Variants in BSCL2 observed in about 807,000 individuals in gnomAD.
BSCL2 encodes seipin.
Under a neutral mutation model 57.4 loss-of-function variants are expected in BSCL2, and 41 were observed. The observed-to-expected ratio is 0.71, with a 90% CI of 0.56 to 0.93. The LOEUF (loss-of-function observed/expected upper bound fraction) is 0.93, where lower values mean the gene tolerates loss of function less well. Ranked by LOEUF, BSCL2 falls within the 40% of genes least tolerant of loss-of-function variation. The pLI, the probability that BSCL2 is intolerant of heterozygous loss-of-function variation, is 0.00. For missense variants in BSCL2, 539 were observed against 586.7 expected, an observed-to-expected ratio of 0.92 and a Z score of 0.84; for synonymous variants, 237 against 227.3, an observed-to-expected ratio of 1.04 and a Z score of -0.38.
At chr11:62,700,189 C>A (rs1392456923) in intron 3 of BSCL2, among the ~76,000 whole-genome samples, 1 of 151,262 alleles carries the variant, frequency 6.6e-6, no homozygotes. Context: ...TGCAGCGAGC[C>A]GTGATCGTAT....
chr11:62,698,957 G>A (rs1401917988), intron 3 of BSCL2, among the ~76,000 whole-genome samples: 1 of 152,102 alleles, frequency 6.6e-6, no homozygotes, highest in East Asian at 1.9e-4. Context: ...CCAGGCTGGA[G>A]TGCAGTGGCA....
intron 3 of BSCL2, among the ~76,000 whole-genome samples, chr11:62,698,169 A>G (rs1394475290): frequency 6.6e-6 from 1 of 150,826 alleles, no homozygotes; most frequent in Admixed American, 6.6e-5. Context: ...GGCCTCCCAA[A>G]GTGCTGGGAT....
chr11:62,705,204 T>C, intron 2 of BSCL2, 97 bp downstream of exon 2: 1 of 1,346,920 alleles, frequency 7.4e-7, no homozygotes, highest in East Asian at 2.5e-5. Context: ...TGGCTCCAGT[T>C]TTCCTTATCT....
At chr11:62,708,731 G>A (rs751342432), upstream of BSCL2, 3 of 1,614,074 alleles carry the variant, frequency 1.9e-6, no homozygotes, top group Non-Finnish European at 1.7e-6. Flanking sequence ...ACGCCTGTGA[G>A]GATCCCCTCA....
At chr11:62,691,886 C>T (rs1018215337) in intron 6 of BSCL2, among the ~76,000 whole-genome samples, 4 of 151,792 alleles carry the variant, frequency 2.6e-5, no homozygotes, top group African/African-American at 9.7e-5. Flanking sequence ...CCATCTCTAC[C>T]AAAAATACAA....
Position 62,705,419 on chromosome 11 carries a change from C to A in BSCL2, c.286G>T (p.Gly96Trp). 1 of 1,614,212 alleles carries A rather than the reference C, an allele frequency of 6.2e-7. No individual in the cohort carries two copies. Among genetic ancestry groups the A allele is most frequent in the Non-Finnish European group, 8.5e-7 (1 of 1,180,038 alleles). The part of the protein sequence containing the change: ...GRARRLLLQF[G>W]VLFCTILLLL... Reference sequence around the variant, plus strand: ...AGGAGGATGGTGCAGAAGAGCACCCCAAACTGCAGCAGCAGCCTGCGGGCA... The same window carrying A: ...AGGAGGATGGTGCAGAAGAGCACCCAAAACTGCAGCAGCAGCCTGCGGGCA... Residue 96 changes from glycine to tryptophan, a missense_variant, in exon 2 of 11, where the codon GGG becomes TGG. Transcript: ENST00000360796.
At chr11:62,694,437 T>C (rs192698510) in intron 4 of BSCL2, 131 bp downstream of exon 4, 1 of 1,363,478 alleles carries the variant, frequency 7.3e-7, no homozygotes, top group Non-Finnish European at 1.0e-6. Context: ...ACTCCTGGGC[T>C]CAAGCGATCT....
intron 3 of BSCL2, 87 bp downstream of exon 3, chr11:62,702,381 A>T: frequency 8.3e-7 from 1 of 1,207,620 alleles, no homozygotes. Context: ...CTTATTACTC[A>T]ATTCCTTCTC....
chr11:62,708,342 C>T (rs1394527043), upstream of BSCL2: 1 of 1,613,690 alleles, frequency 6.2e-7, no homozygotes, highest in Non-Finnish European at 8.5e-7. Flanking sequence ...ATTGGGCAAG[C>T]ACGCAAGATG....
chr11:62,707,706 G>A, upstream of BSCL2: 1 of 353,160 alleles, frequency 2.8e-6, no homozygotes, highest in Non-Finnish European at 5.4e-6. Flanking sequence ...TCAGGTACCA[G>A]CCATCCAGAC....
intron 1 of BSCL2, chr11:62,706,412 A>G (rs1391139061): frequency 8.2e-6 from 5 of 608,268 alleles, no homozygotes; most frequent in African/African-American, 2.0e-5. Flanking sequence ...GACGGGGCGG[A>G]GCCTTCCCGA....
At position 62,707,414 on chromosome 11, in the gene BSCL2, G is replaced by T; in HGVS notation, c.-219C>A. 1.4e-6 allele frequency: 1 copy of T among 701,312 alleles called. No homozygotes were observed. The highest frequency in any genetic ancestry group is 1.5e-5 in the South Asian group (1 of 67,324). The allele number at this position is 701,312 out of a possible 1,614,324, so 43.4% of individuals were successfully genotyped here. On this transcript the variant is annotated 5_prime_UTR_variant, in exon 1 of 11. The change creates a new upstream start codon in the 5' untranslated region. Transcript: ENST00000360796. Reference sequence around the variant, plus strand: ...GGGGGCGACTGCCCAGCTGATGTCAGATTTTCAAATGAGCAGGGTCCCCCG... The same window carrying T: ...GGGGGCGACTGCCCAGCTGATGTCATATTTTCAAATGAGCAGGGTCCCCCG...
chr11:62,690,264 G>A (rs1945269546), downstream of BSCL2: 7 of 1,541,766 alleles, frequency 4.5e-6, no homozygotes, highest in Non-Finnish European at 6.2e-6. Context: ...ACCCATTTCA[G>A]AGTCAAGGAA....
upstream of BSCL2, chr11:62,709,261 T>C (rs762802613): frequency 4.2e-5 from 19 of 454,176 alleles, no homozygotes; most frequent in Non-Finnish European, 7.9e-5. Context: ...AGATCTGCCA[T>C]ACCCAGGGAA....
Position 62,690,317 on chromosome 11 carries a change from G to T in BSCL2, c.*50C>A. ...GTTTATTGAAGGAAAAACGAGGGGA[G>T]AGGAGTCAGGTGGGAAAGTGCTGGA... On this transcript the variant is annotated 3_prime_UTR_variant, in exon 11 of 11. Transcript: ENST00000360796. 6.2e-7 allele frequency: 1 copy of T among 1,612,212 alleles called. No homozygotes were observed. Among genetic ancestry groups the T allele is most frequent in the South Asian group, 1.1e-5 (1 of 90,996 alleles).
At chr11:62,699,076 T>C (rs1028176344) in intron 3 of BSCL2, among the ~76,000 whole-genome samples, 1 of 151,984 alleles carries the variant, frequency 6.6e-6, no homozygotes, top group Non-Finnish European at 1.5e-5. Context: ...CAGCTAATTT[T>C]TGTATTTTTA....
chr11:62,701,906 G>A (rs1279700263), intron 3 of BSCL2, among the ~76,000 whole-genome samples: 1 of 151,826 alleles, frequency 6.6e-6, no homozygotes, highest in Non-Finnish European at 1.5e-5. Context: ...TCTAAGGAAT[G>A]TATGTCGCTT....
Position 62,707,216 on chromosome 11 carries a change from G to A in BSCL2, c.-21C>T, listed in dbSNP as rs758941449. On this transcript the variant is annotated 5_prime_UTR_variant, in exon 1 of 11. Transcript: ENST00000360796. ...GACATCTTCCTGACGAGCCTCTGTT[G>A]ACTCTGGATCTTCCACTGAGTCACT... The A allele has an allele frequency of 5.2e-6, 8 of 1,549,738 alleles. No homozygotes were observed. In the African/African-American group the frequency reaches 1.1e-4, roughly 21 times the overall value.
chr11:62,692,233 G>A, intron 6 of BSCL2, 143 bp downstream of exon 6: 1 of 824,484 alleles, frequency 1.2e-6, no homozygotes, highest in Non-Finnish European at 2.0e-6. Context: ...AGGCCAATAT[G>A]TGGCAGCTTT....
Sources: gnomAD v4.1 joint callset for allele counts (sites outside exome capture counted in the v4.1 genomes callset) on GRCh38, gnomAD v4.1.1 for gene constraint, MANE v1.5 for transcripts, NCBI Gene and HGNC (gene_info 2026-07-23, HGNC 2026-07-21) for gene names.